The following TSPAN32 variants were observed in gnomAD, a reference collection of about 807,000 sequenced individuals.
The protein encoded by TSPAN32 is tetraspanin 32.
TSPAN32 carries 47 observed loss-of-function variants against 42.7 expected under a neutral mutation model. The observed-to-expected ratio is 1.10, with a 90% confidence interval of 0.87 to 1.40. TSPAN32 has a LOEUF of 1.40. Among genes scored for constraint, TSPAN32 ranks in the 40% most tolerant of loss-of-function variants. The pLI is 0.00. For synonymous variants in TSPAN32, 175 were observed against 175.9 expected (o/e 0.99, Z 0.04); for missense variants, 469 against 424.1 (o/e 1.11, Z -0.93).
Position 2,317,596 on chromosome 11 carries a change from G to T in TSPAN32, c.901+71G>T. On this transcript the variant is annotated intron_variant, in intron 9 of 9. Coordinates refer to ENST00000182290, the MANE Select transcript of TSPAN32 (RefSeq NM_139022.3). This position sits in a 1 kb window ranked among gnomAD's most constrained non-coding sequence, Gnocchi z 6.2. ...GGGTCCGAGCTGTGAGGAGGGAAGG[G>T]AGTGAAGGCCCAGCCAGAGAGCCAG... 2.0e-6 allele frequency: 3 copies of T among 1,512,872 alleles called. No individual in the cohort carries two copies. Among genetic ancestry groups the T allele is most frequent in the Non-Finnish European group, 2.6e-6 (3 of 1,134,260 alleles). The allele number at this position is 1,512,872 out of a possible 1,614,324, so 93.7% of individuals were successfully genotyped here. A position where few individuals can be genotyped will look rare whatever the true frequency, so the allele number is the denominator to read the frequency against.
At position 2,313,849 on chromosome 11, in the gene TSPAN32, C is replaced by A; in HGVS notation, c.456+94C>A. 4 of 1,041,846 alleles carry A rather than the reference C, an allele frequency of 3.8e-6. No individual in the cohort carries two copies. The highest frequency in any genetic ancestry group is 5.6e-6 in the Non-Finnish European group (4 of 710,154). The allele number at this position is 1,041,846 out of a possible 1,614,324, so 64.5% of individuals were successfully genotyped here. ...GCAGGGTGGCCAGTGAGAGGTCTGGCCAGGCACCGAGGGGGTTCCAGGACA... is the reference window on the plus strand; with the variant it reads ...GCAGGGTGGCCAGTGAGAGGTCTGGACAGGCACCGAGGGGGTTCCAGGACA... On this transcript the variant is annotated intron_variant, in intron 5 of 9. Transcript: ENST00000182290. The surrounding 1 kb of genome is among the most constrained non-coding windows in gnomAD (Gnocchi z 9.1).
intron 4 of TSPAN32, among the ~76,000 whole-genome samples, chr11:2,312,011 C>T (rs964590804): frequency 6.6e-6 from 1 of 152,106 alleles, no homozygotes; most frequent in African/African-American, 2.4e-5. Flanking sequence ...TTGGCAGAGC[C>T]AGGCAGGGCA....
intron 4 of TSPAN32, among the ~76,000 whole-genome samples, chr11:2,311,133 G>A (rs1848433758): frequency 6.6e-6 from 1 of 152,192 alleles, no homozygotes; most frequent in Non-Finnish European, 1.5e-5. Flanking sequence ...CACAGGGTCA[G>A]GGTGACTCAT....
At chr11:2,315,307 G>C in intron 6 of TSPAN32, 1 of 1,176,284 alleles carries the variant, frequency 8.5e-7, no homozygotes, top group South Asian at 1.6e-5. Flanking sequence ...CTGGAGGCCT[G>C]GTGAGGGGTG....
intron 6 of TSPAN32, chr11:2,316,003 A>T (rs1412590032): frequency 1.0e-5 from 16 of 1,533,514 alleles, no homozygotes; most frequent in Non-Finnish European, 1.2e-5. Context: ...GGCCCAGGGC[A>T]GTGCCAGAGT....
intron 3 of TSPAN32, among the ~76,000 whole-genome samples, chr11:2,305,090 G>A (rs1267722487): frequency 6.6e-6 from 1 of 152,234 alleles, no homozygotes; most frequent in Non-Finnish European, 1.5e-5. Context: ...GGCTGGCAGG[G>A]TTTTCAGCTC....
At chr11:2,306,268 G>A (rs1341093529) in intron 3 of TSPAN32, among the ~76,000 whole-genome samples, 2 of 152,084 alleles carry the variant, frequency 1.3e-5, no homozygotes, top group East Asian at 3.9e-4. Context: ...CTTCCTGCCT[G>A]CCCCCACCCC....
At position 2,304,639 on chromosome 11, in the gene TSPAN32, C is replaced by T. The variant is rs930665182; in HGVS notation, c.279+435C>T. ...TGTTCGGAGGAGGCCGGGCCAGGCT[C>T]AGGAAACGCCCCTTGAGCTCTCCAG... On this transcript the variant is annotated intron_variant, in intron 3 of 9. Transcript: ENST00000182290. The surrounding 1 kb of genome is among the most constrained non-coding windows in gnomAD (Gnocchi z 4.8). 2.0e-5 allele frequency among the ~76,000 whole-genome samples: 3 copies of T among 152,100 alleles called. No homozygotes were observed. Among genetic ancestry groups the T allele is most frequent in the Non-Finnish European group, 2.9e-5 (2 of 67,996 alleles).
At chr11:2,305,370 G>GCC (rs3034695) in intron 3 of TSPAN32, among the ~76,000 whole-genome samples, 8,680 of 134,772 alleles carry the variant, frequency 0.064, 627 homozygotes, top group African/African-American at 0.15. Context: ...CAGGTAGTCT[G>GCC]CCCCCCCCCC....
chr11:2,318,085 AATGGTGC>A lies in TSPAN32; in HGVS notation c.*164_*170del, dbSNP rs1320045157. On this transcript the variant is annotated 3_prime_UTR_variant, in exon 10 of 10. Transcript: ENST00000182290. The surrounding 1 kb of genome is among the most constrained non-coding windows in gnomAD (Gnocchi z 4.2). The stretch of plus-strand genomic sequence containing the variant: ...GTGGTCCCTCCACCTTCAAACCAGC[AATGGTGC>A]ATTGAGCAAATTGTGGTCAAATATA... The A allele has an allele frequency of 1.7e-6, 1 of 577,102 alleles. No individual in the cohort carries two copies. Among genetic ancestry groups the A allele is most frequent in the African/African-American group, 1.9e-5 (1 of 52,984 alleles). The allele number at this position is 577,102 out of a possible 1,614,324, so 35.7% of individuals were successfully genotyped here.
intron 4 of TSPAN32, among the ~76,000 whole-genome samples, chr11:2,309,770 G>A (rs1408247662): frequency 6.6e-6 from 1 of 152,142 alleles, no homozygotes; most frequent in Non-Finnish European, 1.5e-5. Flanking sequence ...CTTGAGCTGT[G>A]CTGGCAGCCT....
chr11:2,316,135 G>A (rs1848774335), intron 6 of TSPAN32, 94 bp from the exon 7 acceptor site: 1 of 1,519,080 alleles, frequency 6.6e-7, no homozygotes. Flanking sequence ...CATTGGCCTA[G>A]GTGGGCGCTG....
chr11:2,305,192 G>T (rs114420843), intron 3 of TSPAN32, among the ~76,000 whole-genome samples: 1 of 152,230 alleles, frequency 6.6e-6, no homozygotes, highest in Non-Finnish European at 1.5e-5. Context: ...AGCTGCTGCC[G>T]GGCCAACCAG....
chr11:2,308,190 C>T (rs769258310), intron 3 of TSPAN32, among the ~76,000 whole-genome samples: 4 of 152,144 alleles, frequency 2.6e-5, no homozygotes, highest in Non-Finnish European at 5.9e-5. Context: ...TCCCAAAAAG[C>T]GCAGGGGAAG....
chr11:2,312,309 G>A (rs774796486), intron 4 of TSPAN32, among the ~76,000 whole-genome samples: 4 of 152,156 alleles, frequency 2.6e-5, no homozygotes, highest in African/African-American at 4.8e-5. Context: ...CTCCACCCAC[G>A]AGGACACAAT....
chr11:2,305,922 C>T (rs963971265), intron 3 of TSPAN32, among the ~76,000 whole-genome samples: 1 of 152,216 alleles, frequency 6.6e-6, no homozygotes, highest in South Asian at 2.1e-4. Context: ...GAGACCTGCT[C>T]CATTGAGCTG....
chr11:2,310,666 G>T (rs1848408362), intron 4 of TSPAN32, among the ~76,000 whole-genome samples: 3 of 152,252 alleles, frequency 2.0e-5, no homozygotes, highest in Admixed American at 1.3e-4. Context: ...AACTTCCTGG[G>T]CCTCAGTTTC....
chr11:2,313,920 CTCTG>C lies in TSPAN32; in HGVS notation c.456+170_456+173del, dbSNP rs1398198837. On this transcript the variant is annotated intron_variant, in intron 5 of 9. Coordinates refer to ENST00000182290, the MANE Select transcript of TSPAN32 (RefSeq NM_139022.3). This position sits in a 1 kb window ranked among gnomAD's most constrained non-coding sequence, Gnocchi z 9.1. The stretch of plus-strand genomic sequence containing the variant: ...GGGCTGGGGGCAAAAAGCTCCCACC[CTCTG>C]TCTGCCCAGGACAAGGCCGCCTACC... 1.3e-5 allele frequency among the ~76,000 whole-genome samples: 2 copies of C among 152,076 alleles called. No individual in the cohort carries two copies. Among genetic ancestry groups the C allele is most frequent in the Non-Finnish European group, 2.9e-5 (2 of 68,022 alleles).
At chr11:2,310,164 C>T (rs942343205) in intron 4 of TSPAN32, 5 of 152,166 alleles carry the variant, frequency 3.3e-5, no homozygotes, top group Admixed American at 2.6e-4. Flanking sequence ...TGTGGGTGGC[C>T]GAGGTCAAGA....
Sources: allele counts gnomAD v4.1 joint callset (sites outside exome capture counted in the v4.1 genomes callset), GRCh38; gene constraint gnomAD v4.1.1; non-coding constraint Gnocchi (gnomAD v3.1); transcripts MANE v1.5; gene names NCBI Gene and HGNC (gene_info 2026-07-23, HGNC 2026-07-21).